The following PSG3 variants were observed in gnomAD, a reference collection of about 807,000 sequenced individuals.
The protein encoded by PSG3 is pregnancy specific beta-1-glycoprotein 3.
PSG3 carries 61 observed loss-of-function variants against 47.5 expected under a neutral mutation model. The ratio of observed to expected loss-of-function variants is 1.28; its 90% confidence interval spans 1.05 to 1.59. The LOEUF (loss-of-function observed/expected upper bound fraction) is 1.59, where lower values mean the gene tolerates loss of function less well. PSG3 is among the 40% of genes most tolerant of loss of function. The pLI, the probability that PSG3 is intolerant of heterozygous loss-of-function variation, is 0.00. For missense variants in PSG3, 756 were observed against 524.0 expected, an observed-to-expected ratio of 1.44 and a Z score of -4.32; for synonymous variants, 263 against 198.4, an observed-to-expected ratio of 1.33 and a Z score of -2.74.
At position 42,731,627 on chromosome 19, in the gene PSG3, G is replaced by C. The variant is rs527531624; in HGVS notation, c.709+1157C>G. ...AGTCATTAATAAGAGCCTGTCAGGT[G>C]AGATTTAGGACAGTGTTTTCTAATT... On this transcript the variant is annotated intron_variant, in intron 3 of 6. Coordinates refer to ENST00000327495, the MANE Select transcript of PSG3 (RefSeq NM_021016.4). Among the ~76,000 whole-genome samples the C allele has an allele frequency of 3.1e-3, 470 of 151,966 alleles. 3 individuals carry two copies. The highest frequency in any genetic ancestry group is 0.011 in the African/African-American group (456 of 41,414).
chr19:42,722,956 A>T (rs914711330), intron 6 of PSG3, among the ~76,000 whole-genome samples: 1 of 152,120 alleles, frequency 6.6e-6, no homozygotes, highest in Non-Finnish European at 1.5e-5. Flanking sequence ...TTGAGCATCC[A>T]CTTTTAAAAA....
At chr19:42,732,714 A>G (rs948633786) in intron 3 of PSG3, 70 bp downstream of exon 3, 75 of 1,613,984 alleles carry the variant, frequency 4.6e-5, no homozygotes, top group Admixed American at 1.0e-4. Flanking sequence ...AGAGGGACTG[A>G]GAGGCCTGGC....
intron 2 of PSG3, among the ~76,000 whole-genome samples, chr19:42,734,475 A>G (rs983294677): frequency 6.6e-6 from 1 of 152,134 alleles, no homozygotes; most frequent in Non-Finnish European, 1.5e-5. Flanking sequence ...ATTTGTCAGG[A>G]GTTTAGACCT....
intron 2 of PSG3, among the ~76,000 whole-genome samples, chr19:42,736,480 T>C (rs941063570): frequency 3.3e-5 from 5 of 152,160 alleles, no homozygotes; most frequent in Admixed American, 1.3e-4. Context: ...CCCCTGAAAC[T>C]ATCCTTGAAA....
intron 3 of PSG3, among the ~76,000 whole-genome samples, chr19:42,730,404 G>T (rs1969453931): frequency 6.6e-6 from 1 of 152,176 alleles, no homozygotes. Flanking sequence ...CCTGGAATGT[G>T]CAACTGGTGG....
In PSG3 at chr19:42,740,397, C is replaced by G; in HGVS notation, c.-13G>C. On this transcript the variant is annotated 5_prime_UTR_variant, in exon 1 of 7. Coordinates refer to ENST00000327495, the MANE Select transcript of PSG3 (RefSeq NM_021016.4). ...AGAGGGGCCCCATGGTCTCTGCTGC[C>G]TGCGTGTTCTCCTCTGTGGAGCTGA... 6.2e-7 allele frequency: 1 copy of G among 1,614,000 alleles called. No individual in the cohort carries two copies.
chr19:42,729,123 C>A lies in PSG3; in HGVS notation c.1243G>T (p.Ala415Ser). 6.2e-7 allele frequency: 1 copy of A among 1,613,958 alleles called. No individual in the cohort carries two copies. Reference protein sequence around the residue: ...SSKSMTVKVSAPSGTGHLPGL... With the variant: ...SSKSMTVKVSSPSGTGHLPGL... ...GCCAAGCATGCTGGGATCCACTTAC[C>A]AGAGACTTTGACTGTCATGGATTTG... The change falls in exon 5 of 7, where the codon GCT becomes TCT. Residue 415 changes from alanine to serine, a missense_variant and splice_region_variant. By Grantham distance (99) the Ala-to-Ser change is moderately conservative. Coordinates refer to ENST00000327495, the MANE Select transcript of PSG3 (RefSeq NM_021016.4).
In PSG3 at chr19:42,723,944, G is replaced by C; in HGVS notation, c.*38C>G. On this transcript the variant is annotated splice_region_variant and 3_prime_UTR_variant, in exon 6 of 7. Coordinates refer to ENST00000327495, the MANE Select transcript of PSG3 (RefSeq NM_021016.4). ...GATAAGAGGAAAGGTCATCATACCT[G>C]CCAGTCTTCCTGAAATACAGAAATG... The C allele has an allele frequency of 6.3e-7, 1 of 1,578,640 alleles. No homozygotes were observed. Among genetic ancestry groups the C allele is most frequent in the South Asian group, 1.1e-5 (1 of 90,354 alleles).
At chr19:42,727,797 A>C (rs1969400566) in intron 5 of PSG3, among the ~76,000 whole-genome samples, 1 of 152,216 alleles carries the variant, frequency 6.6e-6, no homozygotes, top group South Asian at 2.1e-4. Flanking sequence ...AATTGAAAGA[A>C]ATTTGAACAA....
rs1047464410 is a variant in PSG3, at chr19:42,727,918, C to T, written c.1243+1205G>A. ...GGTAGGCAAATGAGGTGTATCTATA[C>T]ATTGAAATGTTGTTCAACCTTAACA... On this transcript the variant is annotated intron_variant, in intron 5 of 6. Coordinates refer to ENST00000327495, the MANE Select transcript of PSG3 (RefSeq NM_021016.4). Among the ~76,000 whole-genome samples the T allele has an allele frequency of 3.3e-5, 5 of 152,190 alleles. 1 individual carries two copies. The highest frequency in any genetic ancestry group is 1.2e-4 in the African/African-American group (5 of 41,448).
At chr19:42,733,592 G>T (rs113382720) in intron 2 of PSG3, 2 of 160,482 alleles carry the variant, frequency 1.2e-5, no homozygotes, top group African/African-American at 4.8e-5. Context: ...ACACAGGGGA[G>T]AACAGAGTCA....
intron 1 of PSG3, 90 bp from the exon 2 acceptor site, chr19:42,739,179 T>A: frequency 6.9e-7 from 1 of 1,458,296 alleles, no homozygotes; most frequent in African/African-American, 1.4e-5. Flanking sequence ...GTCTCTTCAA[T>A]CCTCAGCTTT....
At chr19:42,736,606 A>G (rs1430021784) in intron 2 of PSG3, among the ~76,000 whole-genome samples, 4 of 130,416 alleles carry the variant, frequency 3.1e-5, no homozygotes, top group African/African-American at 6.6e-5. Flanking sequence ...CACCATTTCA[A>G]TACATTTGTG....
At chr19:42,729,705 G>A in intron 4 of PSG3, 73 bp downstream of exon 4, 3 of 1,574,264 alleles carry the variant, frequency 1.9e-6, no homozygotes, top group Non-Finnish European at 2.6e-6. Context: ...CAGAGAGAGA[G>A]TGAGAGGCCT....
rs760279884 is a variant in PSG3 at position 42,738,912 on chromosome 19, G to GATGTA, written c.237_241dup (p.Ser81LeufsTer5). On this transcript the variant is annotated frameshift_variant, in exon 2 of 7. Transcript: ENST00000327495. LOFTEE classifies it high-confidence loss of function. The stretch of plus-strand genomic sequence containing the variant: ...AATTATTTGACCATCTACTACGTAT[G>GATGTA]ATGTAATGTAATGGTAGAGGTCCTT... 3.1e-6 allele frequency: 5 copies of GATGTA among 1,613,926 alleles called. No individual in the cohort carries two copies. The highest frequency in any genetic ancestry group is 3.3e-5 in the Admixed American group (2 of 60,002).
chr19:42,730,713 T>C (rs1969459356), intron 3 of PSG3, among the ~76,000 whole-genome samples: 1 of 152,082 alleles, frequency 6.6e-6, no homozygotes, highest in Non-Finnish European at 1.5e-5. Flanking sequence ...TAGAGCAGAG[T>C]GCAAGGAATG....
rs397842868 is a variant in PSG3 at position 42,729,991 on chromosome 19, C to T, written c.775G>A (p.Ala259Thr). The change falls in exon 4 of 7, where the codon GCC (alanine) becomes ACC (threonine). Residue 259 changes from alanine to threonine, a missense_variant. Coordinates refer to ENST00000327495, the MANE Select transcript of PSG3 (RefSeq NM_021016.4). ...LNPRENKDVLAFTCEPKSENY... is the reference protein window; with the variant it reads ...LNPRENKDVLTFTCEPKSENY... ...TCACTCTTAGGTTCACAGGTGAAGG[C>T]TAAGACATCCTTATTCTCCCTGGGG... 5.1e-5 allele frequency: 82 copies of T among 1,612,128 alleles called. No individual in the cohort carries two copies. In the East Asian group the frequency reaches 5.8e-4, roughly 11 times the overall value.
intron 2 of PSG3, among the ~76,000 whole-genome samples, chr19:42,736,165 C>T (rs1449564563): frequency 6.6e-6 from 1 of 152,182 alleles, no homozygotes; most frequent in South Asian, 2.1e-4. Flanking sequence ...CTGAATTCTG[C>T]TAAAATGTTG....
At chr19:42,723,367 C>G (rs909135647) in intron 6 of PSG3, among the ~76,000 whole-genome samples, 13 of 152,202 alleles carry the variant, frequency 8.5e-5, no homozygotes, top group Admixed American at 2.0e-4. Flanking sequence ...GGTGAAGGGA[C>G]AGGGGTGTGT....
Sources: allele counts gnomAD v4.1 joint callset (sites outside exome capture counted in the v4.1 genomes callset), GRCh38; gene constraint gnomAD v4.1.1; transcripts MANE v1.5; gene names NCBI Gene and HGNC (gene_info 2026-07-23, HGNC 2026-07-21).